Variants in SHCBP1L observed in about 807,000 individuals in gnomAD.
SHCBP1L encodes the protein SHC binding and spindle associated 1 like, also known as testicular spindle-associated protein SHCBP1L.
Under a neutral mutation model 62.5 loss-of-function variants are expected in SHCBP1L, and 67 were observed. That is an observed-to-expected ratio of 1.07 (90% CI 0.88 to 1.31). The LOEUF (loss-of-function observed/expected upper bound fraction) is 1.31, where lower values mean the gene tolerates loss of function less well. Among genes scored for constraint, SHCBP1L ranks in the 40% most tolerant of loss-of-function variants. SHCBP1L has a pLI of 0.00. For synonymous variants in SHCBP1L, 284 were observed against 289.4 expected, an observed-to-expected ratio of 0.98 and a Z score of 0.19; for missense variants, 823 against 809.8, an observed-to-expected ratio of 1.02 and a Z score of -0.20.
intron 6 of SHCBP1L, among the ~76,000 whole-genome samples, chr1:182,908,109 G>A (rs1187629621): frequency 6.6e-6 from 1 of 151,596 alleles, no homozygotes; most frequent in African/African-American, 2.4e-5. Context: ...CCTTCCCCAT[G>A]TCTTTAAATA....
intron 5 of SHCBP1L, among the ~76,000 whole-genome samples, chr1:182,937,288 T>G (rs1651210939): frequency 6.6e-6 from 1 of 152,108 alleles, no homozygotes; most frequent in African/African-American, 2.4e-5. Context: ...ATTTGAAGAA[T>G]AATTTCACTA....
chr1:182,924,675 AGAAAG>A (rs140771329), intron 6 of SHCBP1L, among the ~76,000 whole-genome samples: 5,834 of 93,422 alleles, frequency 0.062, 861 homozygotes, highest in African/African-American at 0.17. Flanking sequence ...CAACTACAAA[AGAAAG>A]GAAAGGAAAG....
chr1:182,918,132 G>A (rs1423479723), intron 6 of SHCBP1L, among the ~76,000 whole-genome samples: 1 of 134,972 alleles, frequency 7.4e-6, no homozygotes, highest in African/African-American at 2.9e-5. Context: ...ACGTGTGTGT[G>A]TATATATATA....
At chr1:182,949,255 GA>G (rs947349787) in intron 2 of SHCBP1L, among the ~76,000 whole-genome samples, 5 of 140,160 alleles carry the variant, frequency 3.6e-5, no homozygotes, top group East Asian at 2.0e-4. Context: ...AAACCTGATT[GA>G]AAAAAAACCC....
intron 2 of SHCBP1L, chr1:182,942,228 T>G: frequency 7.3e-7 from 1 of 1,365,318 alleles, no homozygotes; most frequent in Non-Finnish European, 1.0e-6. Context: ...TGTTTTCCCT[T>G]TGCTCCCCTT....
intron 8 of SHCBP1L, among the ~76,000 whole-genome samples, 160 bp from the exon 9 acceptor site, chr1:182,903,321 A>T (rs1047004840): frequency 6.6e-6 from 1 of 152,194 alleles, no homozygotes. Context: ...TAAAGATAAT[A>T]TTTAAAAATA....
At position 182,908,851 on chromosome 1, in the gene SHCBP1L, G is replaced by A. The variant is rs187235672; in HGVS notation, c.1183-3202C>T. 3.3e-4 allele frequency among the ~76,000 whole-genome samples: 51 copies of A among 152,246 alleles called. 1 individual carries two copies. The highest frequency in any genetic ancestry group is 7.2e-4 in the Admixed American group (11 of 15,288). ...ATTAAAACTTGGGTTAAGAATGCTC[G>A]TTTTGTCATAAACAAAACAACATGG... is the stretch of plus-strand genomic sequence containing the variant. On this transcript the variant is annotated intron_variant, in intron 6 of 9. Coordinates refer to ENST00000367547, the MANE Select transcript of SHCBP1L (RefSeq NM_030933.4).
At chr1:182,943,779 C>T (rs902020866) in intron 2 of SHCBP1L, among the ~76,000 whole-genome samples, 1 of 150,058 alleles carries the variant, frequency 6.7e-6, no homozygotes, top group African/African-American at 2.4e-5. Flanking sequence ...CAGTATTATA[C>T]ATGCATATAG....
At chr1:182,936,955 G>A (rs1309049213) in intron 5 of SHCBP1L, among the ~76,000 whole-genome samples, 1 of 152,028 alleles carries the variant, frequency 6.6e-6, no homozygotes, top group Non-Finnish European at 1.5e-5. Context: ...TCAGAAGACT[G>A]AAGTGAGAGG....
intron 5 of SHCBP1L, among the ~76,000 whole-genome samples, chr1:182,930,183 G>A (rs377029665): frequency 2.6e-5 from 4 of 152,196 alleles, no homozygotes; most frequent in South Asian, 2.1e-4. Context: ...TTAATATATC[G>A]TTTTGTTTCA....
chr1:182,930,387 G>A (rs1029957597), intron 5 of SHCBP1L, among the ~76,000 whole-genome samples: 1 of 151,150 alleles, frequency 6.6e-6, no homozygotes, highest in Admixed American at 6.6e-5. Context: ...CAGATAAAAA[G>A]TTTCAGTATA....
At chr1:182,924,838 A>T (rs1650662816) in intron 6 of SHCBP1L, among the ~76,000 whole-genome samples, 2 of 132,456 alleles carry the variant, frequency 1.5e-5, no homozygotes, top group African/African-American at 5.7e-5. Context: ...TGGGGGAAGG[A>T]GGGAGGAAGG....
At chr1:182,926,165 A>G (rs1405128631) in intron 6 of SHCBP1L, among the ~76,000 whole-genome samples, 2 of 152,188 alleles carry the variant, frequency 1.3e-5, no homozygotes, top group African/African-American at 4.8e-5. Flanking sequence ...ACTTTAAAAC[A>G]GTTAATTTTG....
chr1:182,906,629 G>A (rs764264752), intron 6 of SHCBP1L, among the ~76,000 whole-genome samples: 4 of 151,082 alleles, frequency 2.6e-5, no homozygotes, highest in Non-Finnish European at 4.4e-5. Context: ...ACAGGGTTTC[G>A]CCATGTTAGC....
At chr1:182,909,880 G>A (rs1650126318) in intron 6 of SHCBP1L, among the ~76,000 whole-genome samples, 1 of 152,184 alleles carries the variant, frequency 6.6e-6, no homozygotes. Context: ...CATTTTCAGT[G>A]ATATTCTGCA....
chr1:182,946,299 A>C (rs1571360304), intron 2 of SHCBP1L, among the ~76,000 whole-genome samples: 1 of 151,710 alleles, frequency 6.6e-6, no homozygotes, highest in South Asian at 2.1e-4. Flanking sequence ...TCTTGCCACC[A>C]ACCTCTTCCC....
Position 182,953,024 on chromosome 1 carries a change from G to C in SHCBP1L, c.110C>G (p.Ala37Gly), listed in dbSNP as rs1451225874. Residue 37 changes from alanine (A) to glycine (G), a missense_variant, in exon 1 of 10, where the codon GCG (alanine) becomes GGG (glycine). By Grantham distance (60) the Ala-to-Gly change is moderately conservative (BLOSUM62 0). Transcript: ENST00000367547. ...GATCGCGGTGCCCTTCAGGGTGGTC[G>C]CGGCCGCCGTGTCCCCGGAGACAGC... is the stretch of plus-strand genomic sequence containing the variant. ...ASAVSGDTAAATTLKGTAIPV... is the reference protein window; with the variant it reads ...ASAVSGDTAAGTTLKGTAIPV... 2 of 1,542,220 alleles carry C rather than the reference G, an allele frequency of 1.3e-6. No individual in the cohort carries two copies. Among genetic ancestry groups the C allele is most frequent in the African/African-American group, 2.7e-5 (2 of 73,258 alleles).
At chr1:182,912,485 C>G (rs1004900339) in intron 6 of SHCBP1L, among the ~76,000 whole-genome samples, 1 of 151,940 alleles carries the variant, frequency 6.6e-6, no homozygotes, top group Non-Finnish European at 1.5e-5. Context: ...TCCCTGATAC[C>G]TTCCCCTACA....
chr1:182,925,341 GACAA>G (rs1650709465), intron 6 of SHCBP1L, among the ~76,000 whole-genome samples: 1 of 151,924 alleles, frequency 6.6e-6, no homozygotes, highest in Admixed American at 6.6e-5. Flanking sequence ...ATAACAAGAA[GACAA>G]ACAACCCAAT....
Sources: gnomAD v4.1 joint callset for allele counts (sites outside exome capture counted in the v4.1 genomes callset) on GRCh38, gnomAD v4.1.1 for gene constraint, MANE v1.5 for transcripts, NCBI Gene and HGNC (gene_info 2026-07-23, HGNC 2026-07-21) for gene names.